The following SAXO1 variants were observed in gnomAD, a reference collection of about 807,000 sequenced individuals.
The protein encoded by SAXO1 is stabilizer of axonemal microtubules 1, also known as 4930500O09Rik.
In SAXO1, 21 loss-of-function variants were observed where a neutral mutation model predicts 17.5. That is an observed-to-expected ratio of 1.20 (90% CI 0.85 to 1.72). SAXO1 has a LOEUF of 1.72. Among genes scored for constraint, SAXO1 ranks in the 40% most tolerant of loss-of-function variants. The probability of loss-of-function intolerance (pLI) is 0.00; values close to 1 mark genes in which losing one functional copy is unlikely to be tolerated. For missense variants in SAXO1, 843 were observed against 596.0 expected, an observed-to-expected ratio of 1.41 and a Z score of -4.32; for synonymous variants, 274 against 216.5, an observed-to-expected ratio of 1.27 and a Z score of -2.33.
intron 1 of SAXO1, among the ~76,000 whole-genome samples, chr9:19,041,846 A>G (rs1359578727): frequency 2.0e-5 from 3 of 152,216 alleles, no homozygotes; most frequent in Non-Finnish European, 4.4e-5. Context: ...AACTATTACA[A>G]GAAAACATTG....
chr9:19,009,831 C>CTTTT (rs34704836), intron 1 of SAXO1, among the ~76,000 whole-genome samples: 6,624 of 146,058 alleles, frequency 0.045, 485 homozygotes, highest in African/African-American at 0.15. Flanking sequence ...TTGGGGTTTT[C>CTTTT]TTTTTTTTTT....
At chr9:19,045,140 C>G (rs1456947017) in intron 1 of SAXO1, among the ~76,000 whole-genome samples, 5 of 149,616 alleles carry the variant, frequency 3.3e-5, no homozygotes, top group Non-Finnish European at 7.4e-5. Context: ...GAAACCCCGT[C>G]TCTACTAAAA....
intron 1 of SAXO1, among the ~76,000 whole-genome samples, chr9:18,961,936 C>G (rs141801447): frequency 1.3e-5 from 2 of 152,228 alleles, no homozygotes; most frequent in Non-Finnish European, 2.9e-5. Flanking sequence ...AATGGTTGAA[C>G]TAATTTACAA....
chr9:19,037,527 G>A (rs1835971285), upstream of SAXO1, among the ~76,000 whole-genome samples: 1 of 152,136 alleles, frequency 6.6e-6, no homozygotes, highest in South Asian at 2.1e-4. Context: ...GGATTTATCA[G>A]GGGTTTCCGC....
At chr9:18,935,484 G>A (rs967643702) in intron 3 of SAXO1, among the ~76,000 whole-genome samples, 1 of 152,142 alleles carries the variant, frequency 6.6e-6, no homozygotes, top group Non-Finnish European at 1.5e-5. Flanking sequence ...CTCTCTGATT[G>A]CCCTTGAGCC....
intron 3 of SAXO1, among the ~76,000 whole-genome samples, chr9:18,941,115 G>C (rs1018758226): frequency 6.6e-6 from 1 of 152,122 alleles, no homozygotes; most frequent in Non-Finnish European, 1.5e-5. Flanking sequence ...TTTTAAACAT[G>C]TGAATGAATC....
At chr9:18,972,573 C>A (rs142996471) in intron 1 of SAXO1, among the ~76,000 whole-genome samples, 1 of 152,136 alleles carries the variant, frequency 6.6e-6, no homozygotes, top group Non-Finnish European at 1.5e-5. Flanking sequence ...AAACTCAAAA[C>A]CTGAGGTTGT....
chr9:19,023,858 A>T (rs1159940827), intron 1 of SAXO1, among the ~76,000 whole-genome samples: 2 of 151,896 alleles, frequency 1.3e-5, no homozygotes, highest in Non-Finnish European at 2.9e-5. Context: ...GGAACGAACA[A>T]AGGGGGCCAG....
At chr9:18,945,302 C>T (rs1831743049) in intron 2 of SAXO1, among the ~76,000 whole-genome samples, 1 of 152,224 alleles carries the variant, frequency 6.6e-6, no homozygotes, top group Admixed American at 6.5e-5. Flanking sequence ...CCTTATCCCA[C>T]TGTGGTTGTT....
intron 1 of SAXO1, among the ~76,000 whole-genome samples, chr9:19,009,535 C>T (rs1473806283): frequency 6.6e-6 from 1 of 152,064 alleles, no homozygotes; most frequent in African/African-American, 2.4e-5. Flanking sequence ...GGCAAACTCC[C>T]GAGACCCCAG....
intron 1 of SAXO1, chr9:19,027,793 C>T: frequency 6.6e-7 from 1 of 1,510,230 alleles, no homozygotes; most frequent in South Asian, 1.2e-5. Context: ...TGGATGGCTT[C>T]CAGCCCAACA....
intron 3 of SAXO1, among the ~76,000 whole-genome samples, chr9:18,933,786 C>T (rs1026390508): frequency 2.0e-5 from 3 of 152,226 alleles, no homozygotes; most frequent in Non-Finnish European, 2.9e-5. Flanking sequence ...GTGGCTCACG[C>T]CTGTAATCCC....
chr9:18,950,777 C>T lies in SAXO1; in HGVS notation c.199G>A (p.Glu67Lys), dbSNP rs1399556990. Residue 67 changes from glutamate (E) to lysine (K), a missense_variant, in exon 2 of 4, where the codon GAA (glutamate) becomes AAA (lysine). Transcript: ENST00000380534. ...CCTCACCTTGATGTAGTCAGGCCTT[C>T]CATTGGTATAGGCCCTTTCTGGTAC... Reference protein sequence around the residue: ...REYQKGPIPMEGLTTSRRDFG... With the variant: ...REYQKGPIPMKGLTTSRRDFG... The T allele has an allele frequency of 1.2e-6, 2 of 1,613,268 alleles. No individual in the cohort carries two copies. The highest frequency in any genetic ancestry group is 2.7e-5 in the African/African-American group (2 of 74,884).
chr9:18,975,511 G>A (rs1470375340), intron 1 of SAXO1, among the ~76,000 whole-genome samples: 2 of 152,240 alleles, frequency 1.3e-5, no homozygotes, highest in Non-Finnish European at 2.9e-5. Flanking sequence ...TAGGCAATGA[G>A]AAGGTTTAGA....
intron 1 of SAXO1, among the ~76,000 whole-genome samples, chr9:18,965,972 G>A (rs1832699234): frequency 6.6e-6 from 1 of 152,188 alleles, no homozygotes; most frequent in Admixed American, 6.5e-5. Context: ...TGGCTTGTCT[G>A]TAAAGGATTT....
chr9:19,030,855 T>C (rs558461554), intron 1 of SAXO1, among the ~76,000 whole-genome samples: 1 of 152,154 alleles, frequency 6.6e-6, no homozygotes, highest in East Asian at 1.9e-4. Flanking sequence ...GTTGTTGAAG[T>C]TGAGATTAAT....
Position 18,971,268 on chromosome 9 carries a change from A to G in SAXO1, c.39-20331T>C, listed in dbSNP as rs1191494000. ...TTTCTCCACTGCTCGTAAGCTGCCA[A>G]AACTGAATATTCCCCATGCCCCACT... On this transcript the variant is annotated intron_variant, in intron 1 of 3. Coordinates refer to ENST00000380534, the MANE Select transcript of SAXO1 (RefSeq NM_153707.4). 2.6e-5 allele frequency among the ~76,000 whole-genome samples: 4 copies of G among 152,086 alleles called. No individual in the cohort carries two copies. In the East Asian group the frequency reaches 7.7e-4, roughly 29 times the overall value.
chr9:19,035,989 G>T (rs934801670), upstream of SAXO1, among the ~76,000 whole-genome samples: 6 of 151,902 alleles, frequency 3.9e-5, no homozygotes, highest in African/African-American at 1.5e-4. Flanking sequence ...AACCTTCTCA[G>T]CAAACTAACA....
At chr9:18,966,899 G>A (rs757444881) in intron 1 of SAXO1, among the ~76,000 whole-genome samples, 5 of 152,132 alleles carry the variant, frequency 3.3e-5, no homozygotes, top group Admixed American at 3.3e-4. Context: ...TTTAATCTTT[G>A]ATGTTGGTGA....
Sources: allele counts gnomAD v4.1 joint callset (sites outside exome capture counted in the v4.1 genomes callset), GRCh38; gene constraint gnomAD v4.1.1; transcripts MANE v1.5; gene names NCBI Gene and HGNC (gene_info 2026-07-23, HGNC 2026-07-21).